The following OOSP4B variants were observed in gnomAD, a reference collection of about 807,000 sequenced individuals.
The protein encoded by OOSP4B is oocyte secreted protein family member 4B, also known as oocyte-secreted protein 4B.
chr11:60,026,628 T>TG (rs1854748650), intron 3 of OOSP4B, among the ~76,000 whole-genome samples: 1 of 152,210 alleles, frequency 6.6e-6, no homozygotes, highest in South Asian at 2.1e-4. Flanking sequence ...TAAGGCACCC[T>TG]GCAAGGAATG....
intron 1 of OOSP4B, among the ~76,000 whole-genome samples, chr11:60,021,810 CCT>C (rs1294001364): frequency 6.6e-6 from 1 of 151,952 alleles, no homozygotes; most frequent in East Asian, 1.9e-4. Flanking sequence ...CTGGCGAAAC[CCT>C]GTCTCTGCTA....
intron 3 of OOSP4B, among the ~76,000 whole-genome samples, chr11:60,026,686 A>G (rs1435494386): frequency 6.6e-6 from 1 of 152,232 alleles, no homozygotes; most frequent in African/African-American, 2.4e-5. Context: ...AAACTTCGCC[A>G]GTCATCTCTA....
At chr11:60,029,377 T>G (rs909105386) in intron 3 of OOSP4B, among the ~76,000 whole-genome samples, 1 of 152,204 alleles carries the variant, frequency 6.6e-6, no homozygotes. Flanking sequence ...CTCTATTTCC[T>G]GCCTAAGATT....
rs61649958 is a variant in OOSP4B at position 60,027,655 on chromosome 11, T to TAAAA, written c.303-2105_303-2102dup. 2.7e-4 allele frequency among the ~76,000 whole-genome samples: 17 copies of TAAAA among 62,230 alleles called. 1 individual carries two copies. Among genetic ancestry groups the TAAAA allele is most frequent in the South Asian group, 1.8e-3 (2 of 1,104 alleles). The allele number at this position is 62,230 out of a possible 152,430, so 40.8% of individuals were successfully genotyped here. ...TCTAAGCAGGTAAAGGCTATGATATTAAAAAAAAAAAAAAAAAAAAAAAAA... is the reference window on the plus strand; with the variant it reads ...TCTAAGCAGGTAAAGGCTATGATATTAAAAAAAAAAAAAAAAAAAAAAAAAAAAA... On this transcript the variant is annotated intron_variant, in intron 3 of 4. Coordinates refer to ENST00000642343, the Ensembl canonical transcript of OOSP4B.
chr11:60,023,583 C>G (rs1968558), intron 1 of OOSP4B, among the ~76,000 whole-genome samples: 1 of 151,824 alleles, frequency 6.6e-6, no homozygotes, highest in African/African-American at 2.4e-5. Flanking sequence ...TACAGGGGCA[C>G]GCCACCATGC....
At chr11:60,025,041 T>C (rs774202986) in intron 3 of OOSP4B, 36 bp downstream of exon 3, 19 of 397,924 alleles carry the variant, frequency 4.8e-5, no homozygotes, top group East Asian at 7.2e-5. Context: ...ATTCTTAAAT[T>C]TATTATTTGG....
intron 3 of OOSP4B, 86 bp downstream of exon 3, chr11:60,025,091 C>T (rs903777949): frequency 1.0e-5 from 4 of 395,688 alleles, no homozygotes; most frequent in Non-Finnish European, 1.3e-5. Flanking sequence ...TATAAAAATG[C>T]CCTGGAGGGA....
rs372394936 is a variant in OOSP4B, at chr11:60,019,936, A to G, written c.22+2523A>G. On this transcript the variant is annotated intron_variant, in intron 1 of 4. Transcript: ENST00000642343. The stretch of plus-strand genomic sequence containing the variant: ...TGCGTTTACAATCCCTGAGCTAGAC[A>G]CAAAAGTTCTCCACATGCCCACTAG... Among the ~76,000 whole-genome samples the G allele has an allele frequency of 3.3e-5, 5 of 152,138 alleles. No individual in the cohort carries two copies. The East Asian group carries it at 5.8e-4, about 18-fold the overall frequency.
At chr11:60,020,926 C>A (rs1854685115) in intron 1 of OOSP4B, among the ~76,000 whole-genome samples, 1 of 152,204 alleles carries the variant, frequency 6.6e-6, no homozygotes, top group Non-Finnish European at 1.5e-5. Context: ...CAAAACCTAG[C>A]TCCTGCTCCC....
intron 3 of OOSP4B, among the ~76,000 whole-genome samples, chr11:60,027,734 GT>G (rs1332453393): frequency 2.7e-5 from 4 of 146,040 alleles, no homozygotes; most frequent in African/African-American, 1.0e-4. Context: ...GAGGCTAGGA[GT>G]TCGAAACCAG....
intron 1 of OOSP4B, chr11:60,021,552 T>G (rs1854690711): frequency 6.6e-6 from 1 of 152,236 alleles, no homozygotes; most frequent in East Asian, 1.9e-4. Context: ...CACTGTCTGA[T>G]TGGTATTAGG....
At chr11:60,031,041 T>C (rs540604688) in exon 5 of OOSP4B, 2 of 380,938 alleles carry the variant, frequency 5.3e-6, no homozygotes, top group East Asian at 7.5e-5. Flanking sequence ...TTAAGTGAAA[T>C]TGCCATTCTA....
At chr11:60,030,960 G>C in exon 5 of OOSP4B, 1 of 395,816 alleles carries the variant, frequency 2.5e-6, no homozygotes, top group East Asian at 3.6e-5. Context: ...TCTGTTACCA[G>C]TTTCACTACA....
At position 60,024,740 on chromosome 11, in the gene OOSP4B, C is replaced by G. The variant is rs17154425; in HGVS notation, c.205-168C>G. ...GATGGGGGCAAAGAAGTTGAAGGAC[C>G]AGGAGAAAAAGGAGAATAAAGTATT... is the stretch of plus-strand genomic sequence containing the variant. On this transcript the variant is annotated intron_variant, in intron 2 of 4. Transcript: ENST00000642343. 4.3e-4 allele frequency among the ~76,000 whole-genome samples: 65 copies of G among 152,154 alleles called. No homozygotes were observed. The East Asian group carries it at 8.7e-3, about 20-fold the overall frequency.
intron 3 of OOSP4B, 28 bp from the exon 4 acceptor site, chr11:60,029,754 G>A: frequency 2.5e-6 from 1 of 398,074 alleles, no homozygotes; most frequent in Non-Finnish European, 4.4e-6. Context: ...TTAATCCTGT[G>A]CTTTTCTTTT....
At chr11:60,026,579 C>T (rs2583463) in intron 3 of OOSP4B, among the ~76,000 whole-genome samples, 18,354 of 152,048 alleles carry the variant, frequency 0.12, 1,180 homozygotes, top group South Asian at 0.24. Flanking sequence ...CTCACTATAT[C>T]CTTATACTTC....
intron 1 of OOSP4B, among the ~76,000 whole-genome samples, chr11:60,018,938 C>T (rs550900728): frequency 6.6e-6 from 1 of 152,174 alleles, no homozygotes; most frequent in East Asian, 1.9e-4. Flanking sequence ...GCCTGTAGGC[C>T]GGGTGCAGTG....
At chr11:60,024,098 GA>G (rs1854721586) in intron 2 of OOSP4B, 37 bp downstream of exon 2, 3 of 396,710 alleles carry the variant, frequency 7.6e-6, no homozygotes, top group East Asian at 7.2e-5. Context: ...AACATATACT[GA>G]ATTTTTTTTT....
intron 1 of OOSP4B, 105 bp from the exon 2 acceptor site, chr11:60,023,775 C>T (rs1275198611): frequency 3.0e-5 from 12 of 395,908 alleles, no homozygotes; most frequent in Admixed American, 1.3e-4. Flanking sequence ...GGAGACTGAA[C>T]GCTACCCATG....
Sources: allele counts gnomAD v4.1 joint callset (sites outside exome capture counted in the v4.1 genomes callset), GRCh38; gene constraint gnomAD v4.1.1; transcripts MANE v1.5; gene names NCBI Gene and HGNC (gene_info 2026-07-23, HGNC 2026-07-21).